Variants in RNFT2 observed in about 807,000 individuals in gnomAD.
RNFT2 encodes E3 ubiquitin-protein ligase RNFT2.
Under a neutral mutation model 53.0 loss-of-function variants are expected in RNFT2, and 36 were observed. That is an observed-to-expected ratio of 0.68 (90% CI 0.52 to 0.90). The LOEUF is 0.90. Among genes scored for constraint, RNFT2 ranks in the 40% least tolerant of loss-of-function variants. RNFT2 has a pLI of 0.00. For missense variants in RNFT2, 514 were observed against 585.6 expected (o/e 0.88, Z 1.26); for synonymous variants, 260 against 253.2 (o/e 1.03, Z -0.26).
chr12:116,813,280 C>T (rs944042517), intron 7 of RNFT2, among the ~76,000 whole-genome samples: 1 of 152,180 alleles, frequency 6.6e-6, no homozygotes, highest in East Asian at 1.9e-4. Context: ...TGAATGCTTG[C>T]CTGGCCTTCG....
At chr12:116,754,202 A>G (rs906204324) in intron 5 of RNFT2, 142 bp downstream of exon 5, 3 of 669,402 alleles carry the variant, frequency 4.5e-6, no homozygotes, top group Non-Finnish European at 8.0e-6. Context: ...CCCACATATC[A>G]GTGAGAACGT....
chr12:116,749,854 G>T lies in RNFT2; in HGVS notation c.97G>T (p.Ala33Ser). Residue 33 changes from alanine (A) to serine (S), a missense_variant, in exon 4 of 11, where the codon GCG becomes TCG. Physicochemically the swap from Ala to Ser is moderately conservative, Grantham distance 99. Coordinates refer to ENST00000257575, the MANE Select transcript of RNFT2 (RefSeq NM_001382266.1). ...CTTGGCACCCAGAAACCGCAGCCAG[G>T]CGCTCAGCTCCGAGGCGAGTGTGGA... is the stretch of plus-strand genomic sequence containing the variant. Reference protein sequence around the residue: ...NIPPERNRSQALSSEASVDEG... With the variant: ...NIPPERNRSQSLSSEASVDEG... 1.3e-6 allele frequency: 2 copies of T among 1,578,286 alleles called. No homozygotes were observed. Among genetic ancestry groups the T allele is most frequent in the Non-Finnish European group, 1.7e-6 (2 of 1,161,700 alleles).
chr12:116,785,277 CG>C (rs11349950), intron 7 of RNFT2, among the ~76,000 whole-genome samples: 20,571 of 48,436 alleles, frequency 0.42, 2,540 homozygotes, highest in African/African-American at 0.55. Flanking sequence ...GTGTGTGTGG[CG>C]GGGGGGGGTT....
chr12:116,796,602 A>T (rs957534402), intron 7 of RNFT2, among the ~76,000 whole-genome samples: 1 of 152,222 alleles, frequency 6.6e-6, no homozygotes, highest in Non-Finnish European at 1.5e-5. Context: ...TGGGGCTTTC[A>T]GTGCCATTAA....
intron 6 of RNFT2, among the ~76,000 whole-genome samples, chr12:116,770,706 T>C (rs995163936): frequency 1.3e-5 from 2 of 152,026 alleles, no homozygotes; most frequent in African/African-American, 2.4e-5. Context: ...TTCAGGCGCA[T>C]GTTACCATGC....
At chr12:116,750,899 T>TTTTTGAGACAGGGTCTTGCTCTTTC (rs1566069581) in intron 4 of RNFT2, among the ~76,000 whole-genome samples, 1 of 10,212 alleles carries the variant, frequency 9.8e-5, no homozygotes, top group African/African-American at 3.1e-4. Flanking sequence ...ATAATATATA[T>TTTTTGAGACAGGGTCTTGCTCTTTC]ATATATATAT....
At chr12:116,750,338 A>C in intron 4 of RNFT2, 31 bp downstream of exon 4, 1 of 1,567,966 alleles carries the variant, frequency 6.4e-7, no homozygotes, top group South Asian at 1.2e-5. Flanking sequence ...TGTCCTAGCC[A>C]TGGGCTTCAC....
intron 10 of RNFT2, among the ~76,000 whole-genome samples, chr12:116,841,936 A>AAT (rs1555210453): frequency 9.8e-5 from 3 of 30,742 alleles, no homozygotes; most frequent in Non-Finnish European, 9.4e-5. Flanking sequence ...TATATATATA[A>AAT]ATATATATAT....
chr12:116,801,684 A>C (rs143515479), intron 7 of RNFT2, among the ~76,000 whole-genome samples: 33 of 152,384 alleles, frequency 2.2e-4, no homozygotes, highest in African/African-American at 7.9e-4. Context: ...GTGAGTAAGA[A>C]AGTTAGAATC....
intron 7 of RNFT2, among the ~76,000 whole-genome samples, chr12:116,808,005 G>A (rs1307586150): frequency 2.6e-5 from 4 of 152,106 alleles, no homozygotes; most frequent in Admixed American, 2.0e-4. Flanking sequence ...TTTCGCTCTT[G>A]TTGCCCAGGC....
intron 7 of RNFT2, among the ~76,000 whole-genome samples, chr12:116,784,209 A>C (rs1873829868): frequency 6.6e-6 from 1 of 152,234 alleles, no homozygotes; most frequent in Non-Finnish European, 1.5e-5. Flanking sequence ...GTAGACTCAG[A>C]GATGAGAGTA....
At chr12:116,826,680 A>G (rs913539442) in intron 7 of RNFT2, among the ~76,000 whole-genome samples, 4 of 152,278 alleles carry the variant, frequency 2.6e-5, no homozygotes, top group Admixed American at 2.6e-4. Flanking sequence ...GTGCTTGCTT[A>G]TAAAGAGATA....
At chr12:116,812,970 T>A (rs1477769166) in intron 7 of RNFT2, among the ~76,000 whole-genome samples, 1 of 148,934 alleles carries the variant, frequency 6.7e-6, no homozygotes, top group Admixed American at 6.7e-5. Context: ...TGTTTTTTTC[T>A]TTTGAAACAG....
intron 1 of RNFT2, chr12:116,738,604 A>C (rs1275482101): frequency 6.6e-6 from 1 of 151,782 alleles, no homozygotes; most frequent in Non-Finnish European, 1.5e-5. Flanking sequence ...AACTTGAACC[A>C]TCGCAAGCAT....
At chr12:116,825,159 G>A (rs1876261153) in intron 7 of RNFT2, among the ~76,000 whole-genome samples, 1 of 152,070 alleles carries the variant, frequency 6.6e-6, no homozygotes, top group African/African-American at 2.4e-5. Flanking sequence ...ACCGTTGGCT[G>A]GTTTTCATGT....
At position 116,852,411 on chromosome 12, in the gene RNFT2, G is replaced by A; in HGVS notation, c.*2963G>A. 1 of 1,362,774 alleles carries A rather than the reference G, an allele frequency of 7.3e-7. No homozygotes were observed. Among genetic ancestry groups the A allele is most frequent in the Non-Finnish European group, 9.5e-7 (1 of 1,056,310 alleles). The allele number at this position is 1,362,774 out of a possible 1,614,324, so 84.4% of individuals were successfully genotyped here. ...GGCTTGGCATCCCTGGCTCTCTCCT[G>A]GTACCCAGCAAGACGTCTGTTCCAG... On this transcript the variant is annotated 3_prime_UTR_variant, in exon 11 of 11. Transcript: ENST00000257575.
intron 7 of RNFT2, among the ~76,000 whole-genome samples, chr12:116,827,678 T>G (rs1232597564): frequency 1.3e-5 from 2 of 152,198 alleles, no homozygotes; most frequent in East Asian, 3.9e-4. Context: ...GTGACAGAGG[T>G]GAGTAGTGGT....
rs1004115547 is a variant in RNFT2, at chr12:116,852,004, A to G, written c.*2556A>G. On this transcript the variant is annotated 3_prime_UTR_variant, in exon 11 of 11. Coordinates refer to ENST00000257575, the MANE Select transcript of RNFT2 (RefSeq NM_001382266.1). ...TGTTTCCACCAACCAGGGTAGTGGCATGGAGCACCGTAACCATCTGTGCTT... is the reference window on the plus strand; with the variant it reads ...TGTTTCCACCAACCAGGGTAGTGGCGTGGAGCACCGTAACCATCTGTGCTT... 6 of 1,420,146 alleles carry G rather than the reference A, an allele frequency of 4.2e-6. No individual in the cohort carries two copies. The highest frequency in any genetic ancestry group is 5.6e-6 in the Non-Finnish European group (6 of 1,073,390). The allele number at this position is 1,420,146 out of a possible 1,614,324, so 88.0% of individuals were successfully genotyped here.
intron 3 of RNFT2, among the ~76,000 whole-genome samples, chr12:116,742,197 C>G (rs989762408): frequency 6.6e-6 from 1 of 151,148 alleles, no homozygotes; most frequent in African/African-American, 2.4e-5. Flanking sequence ...AAAGGCAAGG[C>G]AGGGGCAATA....
Sources: gnomAD v4.1 joint callset for allele counts (sites outside exome capture counted in the v4.1 genomes callset) on GRCh38, gnomAD v4.1.1 for gene constraint, MANE v1.5 for transcripts, NCBI Gene and HGNC (gene_info 2026-07-23, HGNC 2026-07-21) for gene names.